Variants in MICA observed in about 807,000 individuals in gnomAD.
MICA encodes the protein MHC class I polypeptide-related sequence A.
Under a neutral mutation model 34.3 loss-of-function variants are expected in MICA, and 18 were observed. The observed-to-expected ratio is 0.52, with a 90% CI of 0.36 to 0.78. The LOEUF is 0.78. Ranked by LOEUF, MICA falls within the 30% of genes least tolerant of loss-of-function variation. The pLI is 0.00. For synonymous variants in MICA, 135 were observed against 156.9 expected (o/e 0.86, Z 1.04); for missense variants, 333 against 409.4 (o/e 0.81, Z 1.61).
upstream of MICA, chr6:31,400,922 A>T (rs1452542529): frequency 6.6e-6 from 1 of 151,404 alleles, no homozygotes; most frequent in Non-Finnish European, 1.5e-5. Context: ...CTAAGAAACA[A>T]GTCCCCTGGA....
chr6:31,415,091 G>T lies in MICA; in HGVS notation c.*109G>T. 7.7e-7 allele frequency: 1 copy of T among 1,299,794 alleles called. No individual in the cohort carries two copies. Among genetic ancestry groups the T allele is most frequent in the African/African-American group, 1.5e-5 (1 of 67,266 alleles). 80.5% of individuals were successfully genotyped at this position (1,299,794 alleles called of 1,614,324 possible). On this transcript the variant is annotated 3_prime_UTR_variant, in exon 6 of 6. Transcript: ENST00000449934. Reference sequence around the variant, plus strand: ...GGGATGCCACACAGCTCGGATTTCAGCCTCTGATGTCAGCTCTTGGGTCCA... The same window carrying T: ...GGGATGCCACACAGCTCGGATTTCATCCTCTGATGTCAGCTCTTGGGTCCA...
chr6:31,413,672 G>T (rs1330137819), intron 5 of MICA, among the ~76,000 whole-genome samples: 2 of 151,828 alleles, frequency 1.3e-5, no homozygotes, highest in Non-Finnish European at 2.9e-5. Context: ...TTTGTCCCCT[G>T]CCCTGCAGCA....
At chr6:31,409,246 A>G (rs1195705772) in intron 1 of MICA, among the ~76,000 whole-genome samples, 1 of 151,462 alleles carries the variant, frequency 6.6e-6, no homozygotes, top group African/African-American at 2.4e-5. Context: ...TTTTGGGTAT[A>G]TATCCAGAAA....
At chr6:31,402,482 A>T (rs1220032976), upstream of MICA, among the ~76,000 whole-genome samples, 1 of 151,834 alleles carries the variant, frequency 6.6e-6, no homozygotes, top group Non-Finnish European at 1.5e-5. Flanking sequence ...AGCATCCATC[A>T]TGTGTGACAT....
chr6:31,411,249 T>C lies in MICA; in HGVS notation c.503T>C (p.Phe168Ser). ...AQTLAMNVRN[F>S]LKEDAMKTKT... ...ACCTTGGCCATGAACGTCAGGAATT[T>C]CTTGAAGGAAGATGCCATGAAGACC... Residue 168 changes from phenylalanine (F) to serine (S), a missense_variant, in exon 3 of 6, where the codon TTC becomes TCC. By Grantham distance (155) the Phe-to-Ser change is radical. Transcript: ENST00000449934. The surrounding 1 kb of genome is among the most constrained non-coding windows in gnomAD (Gnocchi z 4.3). 1 of 1,612,982 alleles carries C rather than the reference T, an allele frequency of 6.2e-7. No homozygotes were observed. The highest frequency in any genetic ancestry group is 1.7e-5 in the Admixed American group (1 of 59,458).
At position 31,415,138 on chromosome 6, in the gene MICA, A is replaced by G. The variant is rs1375686405; in HGVS notation, c.*156A>G. ...TCCACTGGCTCCACTGAGGGCACCTAGACTCTACAGCCAGGCGGCTGGAAT... is the reference window on the plus strand; with the variant it reads ...TCCACTGGCTCCACTGAGGGCACCTGGACTCTACAGCCAGGCGGCTGGAAT... On this transcript the variant is annotated 3_prime_UTR_variant, in exon 6 of 6. Transcript: ENST00000449934. 6.8e-6 allele frequency: 7 copies of G among 1,031,934 alleles called. No individual in the cohort carries two copies. The highest frequency in any genetic ancestry group is 2.2e-4 in the Middle Eastern group (1 of 4,530). 63.9% of individuals were successfully genotyped at this position (1,031,934 alleles called of 1,614,324 possible).
At chr6:31,407,997 C>G (rs1770837958) in intron 1 of MICA, among the ~76,000 whole-genome samples, 1 of 151,772 alleles carries the variant, frequency 6.6e-6, no homozygotes, top group African/African-American at 2.4e-5. Context: ...TCATATATGG[C>G]TTTTATTATA....
At chr6:31,407,195 CTT>C (rs1770795171) in intron 1 of MICA, among the ~76,000 whole-genome samples, 1 of 151,850 alleles carries the variant, frequency 6.6e-6, no homozygotes, top group Admixed American at 6.6e-5. Flanking sequence ...CGTGGACTAT[CTT>C]TTCCATTTTT....
intron 1 of MICA, among the ~76,000 whole-genome samples, chr6:31,410,312 T>A (rs17200095): frequency 1.3e-5 from 2 of 150,748 alleles, no homozygotes; most frequent in South Asian, 2.1e-4. Flanking sequence ...ACCCAGTCCT[T>A]GCACCTGGCC....
In MICA at chr6:31,415,191, A is replaced by G. The variant is rs1257606616; in HGVS notation, c.*209A>G. 1 of 767,990 alleles carries G rather than the reference A, an allele frequency of 1.3e-6. No homozygotes were observed. Among genetic ancestry groups the G allele is most frequent in the Non-Finnish European group, 2.3e-6 (1 of 438,304 alleles). 47.6% of individuals were successfully genotyped at this position (767,990 alleles called of 1,614,324 possible). ...AATTCCCTGCCTGGATCTCACAAGC[A>G]CTTTCCCTCTTGGTGCCTCAGTTTC... On this transcript the variant is annotated 3_prime_UTR_variant, in exon 6 of 6. Transcript: ENST00000449934.
chr6:31,403,542 G>T (rs1770558924), upstream of MICA: 4 of 1,049,730 alleles, frequency 3.8e-6, no homozygotes, highest in Admixed American at 7.4e-5. The surrounding 1 kb of genome is among the most constrained non-coding windows in gnomAD (Gnocchi z 4.7). Context: ...TTGGATGAGC[G>T]GTCGGGGGAC....
At chr6:31,412,537 G>A (rs1231747225) in intron 5 of MICA, 77 bp downstream of exon 5, 5 of 919,310 alleles carry the variant, frequency 5.4e-6, no homozygotes, top group Admixed American at 2.7e-5. Flanking sequence ...CTCCTGCAAA[G>A]ATAGGCATGT....
intron 2 of MICA, 111 bp from the exon 3 acceptor site, chr6:31,410,961 C>T: frequency 6.8e-7 from 1 of 1,472,486 alleles, no homozygotes; most frequent in Non-Finnish European, 9.0e-7. Context: ...TCAGCCCACA[C>T]AGGGAGGCAT....
chr6:31,412,059 TG>T lies in MICA; in HGVS notation c.730del (p.Val244TyrfsTer3), dbSNP rs776127265. ...RNIILTWRQD[G>X]VSLSHDTQQW... ...ATATCATACTGACCTGGCGTCAGGA[TG>T]GGGTATCTTTGAGCCACGACACCCA... On this transcript the variant is annotated frameshift_variant, in exon 4 of 6. Transcript: ENST00000449934. LOFTEE classifies it high-confidence loss of function. The T allele has an allele frequency of 1.2e-6, 2 of 1,613,056 alleles. No homozygotes were observed. The highest frequency in any genetic ancestry group is 1.7e-6 in the Non-Finnish European group (2 of 1,179,846).
chr6:31,411,152 G>T lies in MICA; in HGVS notation c.406G>T (p.Asp136Tyr). The T allele has an allele frequency of 6.2e-7, 1 of 1,612,554 alleles. No individual in the cohort carries two copies. The highest frequency in any genetic ancestry group is 1.1e-5 in the South Asian group (1 of 90,868). ...STRSSQHFYY[D>Y]GELFLSQNLE... ...CAGGAGCTCCCAGCATTTCTACTAC[G>T]ATGGGGAGCTCTTCCTCTCCCAAAA... The change falls in exon 3 of 6, where the codon GAT (aspartate) becomes TAT (tyrosine). Residue 136 changes from aspartate to tyrosine, a missense_variant. Coordinates refer to ENST00000449934, the MANE Select transcript of MICA (RefSeq NM_001177519.3). The surrounding 1 kb of genome is among the most constrained non-coding windows in gnomAD (Gnocchi z 4.3).
chr6:31,413,159 T>C (rs1357589304), intron 5 of MICA, among the ~76,000 whole-genome samples: 1 of 151,904 alleles, frequency 6.6e-6, no homozygotes, highest in Non-Finnish European at 1.5e-5. Context: ...TCTTTCCAGG[T>C]TCCCACGGCC....
Position 31,414,703 on chromosome 6 carries a change from G to C in MICA, c.*30-309G>C, listed in dbSNP as rs1771412090. Among the ~76,000 whole-genome samples the C allele has an allele frequency of 1.3e-5, 2 of 151,942 alleles. 1 individual carries two copies. The highest frequency in any genetic ancestry group is 4.8e-5 in the African/African-American group (2 of 41,314). On this transcript the variant is annotated intron_variant, in intron 5 of 5. Transcript: ENST00000449934. ...TTTGGGGAGGCCTCTCACTGTAACA[G>C]GACTGGTCAGGCCTGAGAGGAGGGC...
intron 1 of MICA, among the ~76,000 whole-genome samples, chr6:31,404,669 G>T (rs933306090): frequency 3.6e-4 from 54 of 151,940 alleles, no homozygotes; most frequent in Middle Eastern, 3.4e-3. Flanking sequence ...TATCCGGGGG[G>T]GTCTTCCCTC....
upstream of MICA, chr6:31,403,514 T>A: frequency 2.6e-6 from 2 of 775,734 alleles, no homozygotes; most frequent in Non-Finnish European, 3.8e-6. The surrounding 1 kb of genome is among the most constrained non-coding windows in gnomAD (Gnocchi z 4.7). Flanking sequence ...TGGCCCTAAG[T>A]TCCGGGCCCC....
Sources: gnomAD v4.1 joint callset for allele counts (sites outside exome capture counted in the v4.1 genomes callset) on GRCh38, gnomAD v4.1.1 for gene constraint, Gnocchi (gnomAD v3.1) non-coding constraint, MANE v1.5 for transcripts, NCBI Gene and HGNC (gene_info 2026-07-23, HGNC 2026-07-21) for gene names.